Variants in WDR59 observed in about 807,000 individuals in gnomAD.
The protein encoded by WDR59 is GATOR2 complex protein WDR59.
WDR59 carries 100 observed loss-of-function variants against 131.2 expected under a neutral mutation model. The ratio of observed to expected loss-of-function variants is 0.76; its 90% CI spans 0.65 to 0.90. WDR59 has a LOEUF of 0.90. Ranked by LOEUF, WDR59 falls within the 40% of genes least tolerant of loss-of-function variation. WDR59 has a pLI of 0.00. For missense variants in WDR59, 1,203 were observed against 1,262.2 expected (o/e 0.95, Z 0.71); for synonymous variants, 601 against 466.2 (o/e 1.29, Z -3.72).
intron 13 of WDR59, chr16:74,915,532 T>C (rs996100729): frequency 8.1e-5 from 16 of 197,470 alleles, no homozygotes; most frequent in Non-Finnish European, 1.7e-4. Flanking sequence ...CAAGTTCAAG[T>C]GATTCCTGTG....
chr16:74,903,551 T>G (rs771141256), intron 18 of WDR59, among the ~76,000 whole-genome samples: 1 of 151,576 alleles, frequency 6.6e-6, no homozygotes, highest in African/African-American at 2.4e-5. Context: ...AACCATCAAG[T>G]TCCAAATATA....
chr16:74,899,111 T>C (rs1965427888), intron 18 of WDR59, among the ~76,000 whole-genome samples: 1 of 150,784 alleles, frequency 6.6e-6, no homozygotes, highest in South Asian at 2.1e-4. Flanking sequence ...CCAATAGGAG[T>C]AAGAAAGAAA....
intron 17 of WDR59, among the ~76,000 whole-genome samples, chr16:74,906,898 A>G (rs932186994): frequency 1.3e-5 from 2 of 152,204 alleles, no homozygotes; most frequent in Admixed American, 6.5e-5. Flanking sequence ...ATATCTTGAT[A>G]TGAGTGTTGG....
At chr16:74,904,681 T>G (rs1185469873) in intron 17 of WDR59, among the ~76,000 whole-genome samples, 2 of 152,226 alleles carry the variant, frequency 1.3e-5, no homozygotes. Flanking sequence ...ATTTTATAAT[T>G]TTATTGAAAG....
intron 1 of WDR59, 64 bp downstream of exon 1, chr16:74,984,900 C>A (rs758894649): frequency 2.1e-5 from 33 of 1,573,768 alleles, no homozygotes; most frequent in Non-Finnish European, 2.6e-5. Context: ...CGGAAGCAGC[C>A]GCGTGGGGGA....
chr16:74,922,217 GC>G, intron 9 of WDR59, 114 bp from the exon 10 acceptor site: 1 of 1,347,948 alleles, frequency 7.4e-7, no homozygotes, highest in Non-Finnish European at 1.0e-6. Context: ...ATAATGGAAG[GC>G]CCCAACTCAT....
Position 74,889,518 on chromosome 16 carries a change from G to A in WDR59, c.2195+185C>T, listed in dbSNP as rs913278548. Reference sequence around the variant, plus strand: ...TTGTTATAAATGACAAGTAATGTATGGTTCTGTCTGCTATAAGAAGTTTGT... The same window carrying A: ...TTGTTATAAATGACAAGTAATGTATAGTTCTGTCTGCTATAAGAAGTTTGT... On this transcript the variant is annotated intron_variant, in intron 21 of 25. Coordinates refer to ENST00000262144, the MANE Select transcript of WDR59 (RefSeq NM_030581.4). The A allele has an allele frequency of 3.0e-5, 17 of 570,482 alleles. 1 individual carries two copies. The highest frequency in any genetic ancestry group is 5.8e-5 in the East Asian group (2 of 34,344). The allele number at this position is 570,482 out of a possible 1,614,324, so 35.3% of individuals were successfully genotyped here. A position where few individuals can be genotyped will look rare whatever the true frequency, so the allele number is the denominator to read the frequency against.
At chr16:74,906,326 A>AAAAAAAAAAAAC (rs59805901) in intron 17 of WDR59, among the ~76,000 whole-genome samples, 23 of 147,296 alleles carry the variant, frequency 1.6e-4, no homozygotes, top group Non-Finnish European at 2.8e-4. Context: ...AAAAAAAAAA[A>AAAAAAAAAAAAC]CCCACAGTGA....
At position 74,945,782 on chromosome 16, in the gene WDR59, TGA is replaced by T. The variant is rs373629002; in HGVS notation, c.445+2735_445+2736del. ...CCCGGTACAGTACAAGGAGACGTTCTGAGAGAGAGAGAGACAGGCCACATTCA... is the reference window on the plus strand; with the variant it reads ...CCCGGTACAGTACAAGGAGACGTTCTGAGAGAGAGAGACAGGCCACATTCA... On this transcript the variant is annotated intron_variant, in intron 6 of 25. Coordinates refer to ENST00000262144, the MANE Select transcript of WDR59 (RefSeq NM_030581.4). Among the ~76,000 whole-genome samples, 295 of 150,838 alleles carry T rather than the reference TGA, an allele frequency of 2.0e-3. 5 individuals carry two copies. In the South Asian group the frequency reaches 0.033, roughly 17 times the overall value.
At chr16:74,923,604 A>G (rs1433758874) in intron 9 of WDR59, among the ~76,000 whole-genome samples, 2 of 152,010 alleles carry the variant, frequency 1.3e-5, no homozygotes, top group African/African-American at 4.8e-5. Flanking sequence ...CAGCCTCCCA[A>G]GTAGCTGGGA....
chr16:74,904,577 TCTTAAGA>T lies in WDR59; in HGVS notation c.1713-484_1713-478del, dbSNP rs566503858. Among the ~76,000 whole-genome samples, 74 of 152,308 alleles carry T rather than the reference TCTTAAGA, an allele frequency of 4.9e-4. 1 individual carries two copies. The South Asian group carries it at 5.4e-3, about 11-fold the overall frequency. ...ACGCAAGGATTGGAAGAGTCCATAT[TCTTAAGA>T]CATCAATTTTCTCTAAATTGATCTA... On this transcript the variant is annotated intron_variant, in intron 17 of 25. Coordinates refer to ENST00000262144, the MANE Select transcript of WDR59 (RefSeq NM_030581.4).
At position 74,973,840 on chromosome 16, in the gene WDR59, A is replaced by G. The variant is rs1303025127; in HGVS notation, c.55-8018T>C. Among the ~76,000 whole-genome samples the G allele has an allele frequency of 2.0e-5, 3 of 152,198 alleles. No individual in the cohort carries two copies. In the East Asian group the frequency reaches 5.8e-4, roughly 29 times the overall value. Reference sequence around the variant, plus strand: ...CGCCTGAGGTCAAGAGTTCAAGACCAGCCTGGCCAACATGGTGATACCCTG... The same window carrying G: ...CGCCTGAGGTCAAGAGTTCAAGACCGGCCTGGCCAACATGGTGATACCCTG... On this transcript the variant is annotated intron_variant, in intron 1 of 25. Coordinates refer to ENST00000262144, the MANE Select transcript of WDR59 (RefSeq NM_030581.4).
At position 74,904,083 on chromosome 16, in the gene WDR59, G is replaced by A. The variant is rs1291584220; in HGVS notation, c.1730C>T (p.Ser577Phe). 6.2e-7 allele frequency: 1 copy of A among 1,613,454 alleles called. No individual in the cohort carries two copies. Among genetic ancestry groups the A allele is most frequent in the Non-Finnish European group, 8.5e-7 (1 of 1,179,840 alleles). ...EPTPRSLSAL[S>F]AYHTGLIAPM... ...CGCGATCAAGCCAGTGTGATAAGCAGACAAGGCTGAGAGAGATCTGTAGTT... is the reference window on the plus strand; with the variant it reads ...CGCGATCAAGCCAGTGTGATAAGCAAACAAGGCTGAGAGAGATCTGTAGTT... Residue 577 changes from serine (S) to phenylalanine (F), a missense_variant, in exon 18 of 26, where the codon TCT (serine) becomes TTT (phenylalanine). Transcript: ENST00000262144.
At chr16:74,972,770 C>T (rs1013401327) in intron 1 of WDR59, among the ~76,000 whole-genome samples, 1 of 137,238 alleles carries the variant, frequency 7.3e-6, no homozygotes, top group Non-Finnish European at 1.5e-5. Context: ...TGCAGTGAGC[C>T]GAGATGGAGC....
chr16:74,980,873 G>C (rs2034375920), intron 1 of WDR59, among the ~76,000 whole-genome samples: 1 of 150,862 alleles, frequency 6.6e-6, no homozygotes, highest in Non-Finnish European at 1.5e-5. Flanking sequence ...CAGGAGGCAG[G>C]AGAAGCACTT....
At chr16:74,889,850 G>A in intron 20 of WDR59, 35 bp from the exon 21 acceptor site, 1 of 1,546,884 alleles carries the variant, frequency 6.5e-7, no homozygotes, top group Non-Finnish European at 8.9e-7. Context: ...AACTCAAACT[G>A]GCAAGGACAA....
In WDR59 at chr16:74,886,368, G is replaced by A; in HGVS notation, c.2448C>T (p.Ser816=). Residue 816 remains serine (S), a synonymous_variant, in exon 24 of 26, where the codon TCC becomes TCT. Transcript: ENST00000262144. The part of the protein sequence containing the change: ...IAGREAEHLS[S]PWGESSPEEL... ...CTTCTGGTGAGGATTCTCCCCAAGG[G>A]GAGGACAAGTGCTCTGCCTCTCTTC... 7 of 1,613,740 alleles carry A rather than the reference G, an allele frequency of 4.3e-6. No individual in the cohort carries two copies. Among genetic ancestry groups the A allele is most frequent in the Non-Finnish European group, 5.9e-6 (7 of 1,179,956 alleles).
intron 6 of WDR59, among the ~76,000 whole-genome samples, chr16:74,945,745 G>A (rs977248246): frequency 4.6e-5 from 7 of 151,738 alleles, no homozygotes; most frequent in Non-Finnish European, 8.8e-5. Context: ...ACCTTCTACA[G>A]TGTGAGTCAC....
chr16:74,913,963 T>C (rs1052870275), intron 13 of WDR59, among the ~76,000 whole-genome samples: 2 of 152,194 alleles, frequency 1.3e-5, no homozygotes, highest in Non-Finnish European at 2.9e-5. Flanking sequence ...TCCCAGCACT[T>C]TGGGAGGCCA....
Sources: allele counts gnomAD v4.1 joint callset (sites outside exome capture counted in the v4.1 genomes callset), GRCh38; gene constraint gnomAD v4.1.1; transcripts MANE v1.5; gene names NCBI Gene and HGNC (gene_info 2026-07-23, HGNC 2026-07-21).